Variants in SLIT3 observed in about 807,000 individuals in gnomAD.
SLIT3 encodes the protein slit guidance ligand 3.
Under a neutral mutation model 184.0 loss-of-function variants are expected in SLIT3, and 68 were observed. The observed-to-expected ratio is 0.37, with a 90% CI of 0.30 to 0.45. SLIT3 has a LOEUF of 0.45. Among genes scored for constraint, SLIT3 ranks in the 20% least tolerant of loss-of-function variants. The pLI is 1.00. For synonymous variants in SLIT3, 831 were observed against 828.6 expected (o/e 1.00, Z -0.05); for missense variants, 1,707 against 2,026.0 (o/e 0.84, Z 3.02).
intron 4 of SLIT3, among the ~76,000 whole-genome samples, chr5:169,077,757 G>C (rs983514941): frequency 7.3e-5 from 11 of 150,630 alleles, no homozygotes; most frequent in African/African-American, 2.2e-4. Flanking sequence ...ATGTCACGGA[G>C]AGATGGGTTA....
chr5:168,790,821 T>C (rs1195987996), intron 10 of SLIT3: 1 of 152,164 alleles, frequency 6.6e-6, no homozygotes, highest in Non-Finnish European at 1.5e-5. Context: ...AGTGGGAATC[T>C]CTCTGAGCCT....
At chr5:168,965,820 G>C (rs1441466673) in intron 4 of SLIT3, among the ~76,000 whole-genome samples, 1 of 152,218 alleles carries the variant, frequency 6.6e-6, no homozygotes, top group East Asian at 1.9e-4. Context: ...GATGTACTGT[G>C]AGGTGTCAAC....
chr5:168,820,199 T>G (rs1365570681), intron 7 of SLIT3, among the ~76,000 whole-genome samples: 2 of 152,182 alleles, frequency 1.3e-5, no homozygotes, highest in Non-Finnish European at 2.9e-5. Context: ...TGGTGAGGTG[T>G]GACAGCAACG....
At chr5:169,249,890 G>A (rs193047331) in intron 2 of SLIT3, among the ~76,000 whole-genome samples, 6 of 152,342 alleles carry the variant, frequency 3.9e-5, no homozygotes, top group East Asian at 3.9e-4. Flanking sequence ...AGAACATGTC[G>A]GTGTGGAGAG....
At chr5:168,741,900 T>A (rs1763650094) in intron 20 of SLIT3, among the ~76,000 whole-genome samples, 1 of 133,558 alleles carries the variant, frequency 7.5e-6, no homozygotes, top group Admixed American at 8.1e-5. Context: ...TTGAATGAGA[T>A]TAAGTAACTT....
At chr5:169,038,306 T>C (rs1254325640) in intron 4 of SLIT3, among the ~76,000 whole-genome samples, 1 of 152,228 alleles carries the variant, frequency 6.6e-6, no homozygotes, top group African/African-American at 2.4e-5. Flanking sequence ...ATCTTCTCAA[T>C]ATGGAACTGC....
intron 4 of SLIT3, among the ~76,000 whole-genome samples, chr5:169,015,893 C>T (rs1288608169): frequency 6.6e-6 from 1 of 151,372 alleles, no homozygotes; most frequent in Non-Finnish European, 1.5e-5. Context: ...GCACTCCAGC[C>T]TGGCTGATAG....
Position 169,264,128 on chromosome 5 carries a change from T to C in SLIT3, c.198-12669A>G, listed in dbSNP as rs931816460. 6.6e-5 allele frequency among the ~76,000 whole-genome samples: 10 copies of C among 152,150 alleles called. No homozygotes were observed. The South Asian group carries it at 2.1e-3, about 32-fold the overall frequency. ...ACTCTCCCCATAGATAAAGTGACCA[T>C]GCAGAGTTTAAGCCATTCAAGACTC... On this transcript the variant is annotated intron_variant, in intron 1 of 35. Coordinates refer to ENST00000519560, the MANE Select transcript of SLIT3 (RefSeq NM_003062.4).
chr5:169,085,751 C>T (rs531377421), intron 4 of SLIT3, among the ~76,000 whole-genome samples: 1 of 152,328 alleles, frequency 6.6e-6, no homozygotes, highest in South Asian at 2.1e-4. Context: ...TGTCATCGCT[C>T]TCATTTCTGG....
intron 5 of SLIT3, among the ~76,000 whole-genome samples, chr5:168,861,944 T>G (rs1386630064): frequency 6.6e-6 from 1 of 152,172 alleles, no homozygotes; most frequent in Admixed American, 6.5e-5. Flanking sequence ...CTTTTAACAT[T>G]AGCAGCTGCT....
chr5:168,779,928 C>T (rs1755906501), intron 12 of SLIT3, among the ~76,000 whole-genome samples: 1 of 152,238 alleles, frequency 6.6e-6, no homozygotes, highest in South Asian at 2.1e-4. Flanking sequence ...TGAAAAGCCC[C>T]ATGGGGAGAA....
At chr5:168,798,202 T>C (rs1159653101) in intron 9 of SLIT3, among the ~76,000 whole-genome samples, 1 of 146,858 alleles carries the variant, frequency 6.8e-6, no homozygotes, top group Non-Finnish European at 1.5e-5. Context: ...TGGCTTTTGG[T>C]TTTCTTTTCT....
chr5:169,010,863 C>T (rs1179177818), intron 4 of SLIT3, among the ~76,000 whole-genome samples: 3 of 150,502 alleles, frequency 2.0e-5, no homozygotes, highest in African/African-American at 4.9e-5. Flanking sequence ...GAGCCGAGAT[C>T]GCGCCACTGC....
At chr5:169,191,664 C>T (rs1490815098) in intron 4 of SLIT3, among the ~76,000 whole-genome samples, 1 of 152,162 alleles carries the variant, frequency 6.6e-6, no homozygotes, top group African/African-American at 2.4e-5. Context: ...CTCAAGCTCT[C>T]AGGACGTGGC....
At chr5:168,755,396 T>TCTTTCCTTCCTTCCTTC (rs1561913247) in intron 16 of SLIT3, among the ~76,000 whole-genome samples, 2 of 14,518 alleles carry the variant, frequency 1.4e-4, no homozygotes, top group East Asian at 4.4e-3. Context: ...GCCATTTCTT[T>TCTTTCCTTCCTTCCTTC]CTTTCTTTCT....
intron 4 of SLIT3, among the ~76,000 whole-genome samples, chr5:168,959,620 A>C (rs1762942289): frequency 6.6e-6 from 1 of 152,124 alleles, no homozygotes; most frequent in African/African-American, 2.4e-5. Context: ...CCAGAACAGA[A>C]CTTCAGGTGT....
At position 168,729,521 on chromosome 5, in the gene SLIT3, G is replaced by C. The variant is rs565800885; in HGVS notation, c.2271-5037C>G. Among the ~76,000 whole-genome samples, 161 of 151,652 alleles carry C rather than the reference G, an allele frequency of 1.1e-3. 1 individual carries two copies. Among genetic ancestry groups the C allele is most frequent in the Non-Finnish European group, 1.8e-3 (120 of 67,886 alleles). On this transcript the variant is annotated intron_variant, in intron 20 of 35. Coordinates refer to ENST00000519560, the MANE Select transcript of SLIT3 (RefSeq NM_003062.4). ...GCTGAAAGAAAAAAAAAAACTGTCA[G>C]CCCAGAATTTTGTATTCTGCCAAAA...
intron 17 of SLIT3, among the ~76,000 whole-genome samples, chr5:168,753,358 ATT>A (rs1754784220): frequency 6.6e-6 from 1 of 152,226 alleles, no homozygotes; most frequent in Admixed American, 6.5e-5. Context: ...ACACACGCAT[ATT>A]GTGTGGCTGC....
intron 4 of SLIT3, among the ~76,000 whole-genome samples, chr5:168,942,897 A>G (rs1762370914): frequency 6.6e-6 from 1 of 152,138 alleles, no homozygotes; most frequent in African/African-American, 2.4e-5. Flanking sequence ...CTAAGTAGAA[A>G]AGTGTGTGAT....
Sources: allele counts gnomAD v4.1 joint callset (sites outside exome capture counted in the v4.1 genomes callset), GRCh38; gene constraint gnomAD v4.1.1; transcripts MANE v1.5; gene names NCBI Gene and HGNC (gene_info 2026-07-23, HGNC 2026-07-21).